Variants in GRAMD2B observed in about 807,000 individuals in gnomAD.
GRAMD2B encodes the protein GRAM domain containing 2B, also known as GRAM domain-containing protein 2B.
A neutral mutation model predicts 59.2 loss-of-function variants in GRAMD2B; 41 were observed. That is an observed-to-expected ratio of 0.69 (90% confidence interval 0.54 to 0.90). GRAMD2B has a LOEUF of 0.90. GRAMD2B is among the 40% of genes least tolerant of loss of function. The pLI is 0.00. For missense variants in GRAMD2B, 424 were observed against 500.5 expected, an observed-to-expected ratio of 0.85 and a Z score of 1.46; for synonymous variants, 161 against 182.7, an observed-to-expected ratio of 0.88 and a Z score of 0.96.
chr5:126,464,677 G>A (rs1039033610), intron 1 of GRAMD2B, among the ~76,000 whole-genome samples: 3 of 152,158 alleles, frequency 2.0e-5, no homozygotes, highest in African/African-American at 7.2e-5. Context: ...TAGACCCCGT[G>A]GTTAAGACAA....
intron 1 of GRAMD2B, among the ~76,000 whole-genome samples, chr5:126,441,774 T>C (rs1304010848): frequency 6.6e-6 from 1 of 152,148 alleles, no homozygotes; most frequent in Non-Finnish European, 1.5e-5. Flanking sequence ...TTTAGGAATA[T>C]AGGAACCAGC....
intron 10 of GRAMD2B, 61 bp downstream of exon 10, chr5:126,484,585 T>G: frequency 3.6e-6 from 1 of 276,502 alleles, no homozygotes; most frequent in Non-Finnish European, 5.5e-6. Context: ...TGTTTGTAAC[T>G]TTTTTTTTTT....
upstream of GRAMD2B, among the ~76,000 whole-genome samples, chr5:126,420,070 A>AG (rs1554076420): frequency 2.1e-3 from 310 of 148,188 alleles, 1 homozygote; most frequent in African/African-American, 6.7e-3. Flanking sequence ...AAAAAAAAAA[A>AG]AAAGAAAGAA....
intron 1 of GRAMD2B, 69 bp downstream of exon 1, chr5:126,423,758 G>C (rs1580892663): frequency 1.3e-6 from 2 of 1,485,618 alleles, no homozygotes; most frequent in South Asian, 2.6e-5. Context: ...TCTGCCCCGG[G>C]ACGCATTTTG....
intron 1 of GRAMD2B, among the ~76,000 whole-genome samples, chr5:126,445,785 T>TC (rs1261691179): frequency 6.6e-6 from 1 of 152,174 alleles, no homozygotes; most frequent in Non-Finnish European, 1.5e-5. Flanking sequence ...TCATGCTGAT[T>TC]CGTGTCATTG....
At chr5:126,394,732 G>C (rs1354719937) in intron 1 of GRAMD2B, among the ~76,000 whole-genome samples, 1 of 152,184 alleles carries the variant, frequency 6.6e-6, no homozygotes, top group East Asian at 1.9e-4. Flanking sequence ...TGTGATTTCA[G>C]ATATTTAGAG....
chr5:126,371,521 G>A (rs763082635), exon 1 of GRAMD2B: 2 of 1,289,254 alleles, frequency 1.6e-6, no homozygotes, highest in Non-Finnish European at 2.0e-6. Flanking sequence ...GGCCAACGTG[G>A]AGGCCTCACG....
intron 1 of GRAMD2B, among the ~76,000 whole-genome samples, chr5:126,387,304 A>G (rs1171191623): frequency 1.3e-5 from 2 of 151,918 alleles, no homozygotes; most frequent in African/African-American, 4.8e-5. Flanking sequence ...CTTTTTATAA[A>G]AAGACAAGTT....
intron 1 of GRAMD2B, among the ~76,000 whole-genome samples, chr5:126,441,501 C>A (rs536346590): frequency 2.3e-4 from 35 of 152,312 alleles, no homozygotes; most frequent in African/African-American, 8.2e-4. Flanking sequence ...ATCTTCCTTG[C>A]CTTTTATAGC....
chr5:126,436,544 T>C (rs1439972179), intron 1 of GRAMD2B, among the ~76,000 whole-genome samples: 1 of 152,096 alleles, frequency 6.6e-6, no homozygotes, highest in Non-Finnish European at 1.5e-5. Context: ...TCCAGCTACT[T>C]GGAAGGCTGA....
chr5:126,446,230 A>G (rs55763758), intron 1 of GRAMD2B, among the ~76,000 whole-genome samples: 4,359 of 152,320 alleles, frequency 0.029, 85 homozygotes, highest in Admixed American at 0.064. Context: ...ATACACTGCA[A>G]TAGTTACAGA....
At chr5:126,464,327 G>T (rs1767916558) in intron 1 of GRAMD2B, among the ~76,000 whole-genome samples, 1 of 152,162 alleles carries the variant, frequency 6.6e-6, no homozygotes, top group Admixed American at 6.5e-5. Flanking sequence ...CAGTCTCCAT[G>T]GAGTCCTCAC....
At chr5:126,487,468 C>G (rs904141563) in intron 12 of GRAMD2B, among the ~76,000 whole-genome samples, 3 of 151,960 alleles carry the variant, frequency 2.0e-5, no homozygotes, top group Non-Finnish European at 4.4e-5. Context: ...TTCCATCAGT[C>G]TTTTTTTTAA....
In GRAMD2B at chr5:126,473,355, G is replaced by A; in HGVS notation, c.473G>A (p.Gly158Glu). Residue 158 changes from glycine to glutamate, a missense_variant, in exon 5 of 14, where the codon GGA becomes GAA. By Grantham distance (98) the Gly-to-Glu change is moderately conservative (BLOSUM62 -2). Transcript: ENST00000285689. ...ATTTGTTTTCATTCCAAAGTCTTTGGAAAAGACACAAAGGTTGGTATAATT... is the reference window on the plus strand; with the variant it reads ...ATTTGTTTTCATTCCAAAGTCTTTGAAAAAGACACAAAGGTTGGTATAATT... ...NWICFHSKVF[G>E]KDTKISIPAF... is the part of the protein sequence containing the mutation. 7.0e-7 allele frequency: 1 copy of A among 1,427,012 alleles called. No homozygotes were observed. The highest frequency in any genetic ancestry group is 9.5e-7 in the Non-Finnish European group (1 of 1,049,420). 88.4% of individuals were successfully genotyped at this position (1,427,012 alleles called of 1,614,324 possible). A position where few individuals can be genotyped will look rare whatever the true frequency, so the allele number is the denominator to read the frequency against.
chr5:126,406,194 C>T (rs1207352908), intron 1 of GRAMD2B, among the ~76,000 whole-genome samples: 1 of 151,840 alleles, frequency 6.6e-6, no homozygotes. Context: ...CTTTTACCAG[C>T]TCTGGCTAAA....
intron 1 of GRAMD2B, among the ~76,000 whole-genome samples, chr5:126,428,843 C>T (rs1170000694): frequency 6.6e-6 from 1 of 152,208 alleles, no homozygotes; most frequent in Non-Finnish European, 1.5e-5. Context: ...GAAATTCCAT[C>T]TCACACCAGT....
intron 3 of GRAMD2B, among the ~76,000 whole-genome samples, 157 bp from the exon 4 acceptor site, chr5:126,472,079 CTG>C (rs140088425): frequency 2.5e-3 from 377 of 152,286 alleles, no homozygotes; most frequent in African/African-American, 8.0e-3. Flanking sequence ...CAGACTTTCA[CTG>C]TGTTTTACTG....
At position 126,467,034 on chromosome 5, in the gene GRAMD2B, A is replaced by G. The variant is rs1768567990; in HGVS notation, c.203+1489A>G. 2.6e-5 allele frequency among the ~76,000 whole-genome samples: 4 copies of G among 152,274 alleles called. No individual in the cohort carries two copies. The South Asian group carries it at 8.3e-4, about 32-fold the overall frequency. ...GCCAGGCACGGTGGCTCACACCTGT[A>G]ATCCTAGCACTTTGAGAGACTGAGG... On this transcript the variant is annotated intron_variant, in intron 2 of 13. Coordinates refer to ENST00000285689, the MANE Select transcript of GRAMD2B (RefSeq NM_023927.4).
chr5:126,382,784 G>C (rs1035579626), intron 1 of GRAMD2B, among the ~76,000 whole-genome samples: 2 of 151,996 alleles, frequency 1.3e-5, no homozygotes, highest in African/African-American at 4.8e-5. Flanking sequence ...TCATATTACC[G>C]GAATTGTTTT....
Sources: allele counts gnomAD v4.1 joint callset (sites outside exome capture counted in the v4.1 genomes callset), GRCh38; gene constraint gnomAD v4.1.1; transcripts MANE v1.5; gene names NCBI Gene and HGNC (gene_info 2026-07-23, HGNC 2026-07-21).